Variants in TRERF1 observed in about 807,000 individuals in gnomAD.
The protein encoded by TRERF1 is transcriptional-regulating factor 1.
In TRERF1, 27 loss-of-function variants were observed where a neutral mutation model predicts 122.9. The ratio of observed to expected loss-of-function variants is 0.22; its 90% confidence interval spans 0.16 to 0.30. TRERF1 has a LOEUF of 0.30. Ranked by LOEUF, TRERF1 falls within the 10% of genes least tolerant of loss-of-function variation. The pLI is 1.00. For missense variants in TRERF1, 1,248 were observed against 1,560.3 expected, an observed-to-expected ratio of 0.80 and a Z score of 3.37; for synonymous variants, 636 against 641.7, an observed-to-expected ratio of 0.99 and a Z score of 0.13.
chr6:42,386,922 G>A (rs1776907814), intron 2 of TRERF1, among the ~76,000 whole-genome samples: 1 of 152,146 alleles, frequency 6.6e-6, no homozygotes, highest in African/African-American at 2.4e-5. Context: ...CATGTAGGAT[G>A]TTTAGCAGTA....
intron 10 of TRERF1, 26 bp downstream of exon 10, chr6:42,258,109 C>T: frequency 6.2e-7 from 1 of 1,605,490 alleles, no homozygotes; most frequent in Non-Finnish European, 8.5e-7. Flanking sequence ...GGCTTCTGTT[C>T]TAAAGAGTAA....
At chr6:42,413,720 G>A (rs941507189) in intron 2 of TRERF1, among the ~76,000 whole-genome samples, 5 of 152,100 alleles carry the variant, frequency 3.3e-5, no homozygotes, top group East Asian at 1.9e-4. Flanking sequence ...GGGCCACCGC[G>A]GCAGCCCAGA....
chr6:42,229,119 G>A (rs1399946084), intron 17 of TRERF1, among the ~76,000 whole-genome samples: 1 of 152,026 alleles, frequency 6.6e-6, no homozygotes, highest in African/African-American at 2.4e-5. Flanking sequence ...GTTGAAAGTT[G>A]TTGGTTTTGT....
intron 4 of TRERF1, among the ~76,000 whole-genome samples, chr6:42,297,593 G>C (rs1017124703): frequency 6.6e-6 from 1 of 152,196 alleles, no homozygotes; most frequent in African/African-American, 2.4e-5. Context: ...TGAGCAGAAT[G>C]GGGGGAAAAT....
chr6:42,283,611 C>CTTTTTTTTT (rs869206003), intron 4 of TRERF1, among the ~76,000 whole-genome samples: 3 of 107,998 alleles, frequency 2.8e-5, no homozygotes, highest in African/African-American at 3.6e-5. Flanking sequence ...ATGAAAAAAA[C>CTTTTTTTTT]TTTTTTTTTT....
chr6:42,395,597 A>G (rs1457083492), intron 2 of TRERF1, among the ~76,000 whole-genome samples: 2 of 152,124 alleles, frequency 1.3e-5, no homozygotes, highest in African/African-American at 4.8e-5. Context: ...AAGAGACCGA[A>G]GAGAGAAGCT....
At chr6:42,340,792 G>C (rs1268132528) in intron 3 of TRERF1, among the ~76,000 whole-genome samples, 2 of 152,146 alleles carry the variant, frequency 1.3e-5, no homozygotes, top group African/African-American at 2.4e-5. Flanking sequence ...TTCTCAGATC[G>C]CAGTAAATTA....
chr6:42,279,619 G>A (rs1781929511), intron 4 of TRERF1, among the ~76,000 whole-genome samples: 1 of 152,272 alleles, frequency 6.6e-6, no homozygotes, highest in Middle Eastern at 3.4e-3. Flanking sequence ...GGGGCCAAGC[G>A]GCCAGAACAG....
chr6:42,355,835 A>C (rs1457445695), intron 3 of TRERF1, among the ~76,000 whole-genome samples: 1 of 152,220 alleles, frequency 6.6e-6, no homozygotes, highest in Non-Finnish European at 1.5e-5. Flanking sequence ...GCCCAAGATG[A>C]TAAAGTGTTC....
At chr6:42,334,004 C>CACAT (rs1051165979) in intron 3 of TRERF1, among the ~76,000 whole-genome samples, 7 of 125,092 alleles carry the variant, frequency 5.6e-5, no homozygotes, top group African/African-American at 2.7e-4. Flanking sequence ...ACACTACACA[C>CACAT]ACACACACAC....
chr6:42,333,011 T>C (rs536002971), intron 3 of TRERF1, among the ~76,000 whole-genome samples: 1 of 152,202 alleles, frequency 6.6e-6, no homozygotes, highest in Admixed American at 6.5e-5. Context: ...AAAGAACCAA[T>C]CTTTACCCGT....
Position 42,259,660 on chromosome 6 carries a change from C to T in TRERF1, c.1948G>A (p.Glu650Lys). Residue 650 changes from glutamate to lysine, a missense_variant, in exon 9 of 18, where the codon GAG becomes AAG. By Grantham distance (56) the Glu-to-Lys change is moderately conservative (BLOSUM62 1). Transcript: ENST00000372922. The surrounding 1 kb of genome is among the most constrained non-coding windows in gnomAD (Gnocchi z 4.9). ...GGCCGGTGCCGGAACTTTTTCTTCT[C>T]CTGCACGGTCTTGAGGGGCTCCTCG... The T allele has an allele frequency of 6.2e-7, 1 of 1,611,218 alleles. No homozygotes were observed. Among genetic ancestry groups the T allele is most frequent in the Admixed American group, 1.7e-5 (1 of 60,014 alleles).
intron 4 of TRERF1, among the ~76,000 whole-genome samples, chr6:42,286,037 T>C (rs1783158239): frequency 6.6e-6 from 1 of 150,798 alleles, no homozygotes; most frequent in African/African-American, 2.4e-5. Context: ...AAACAAGCAA[T>C]TAAAAGGATT....
chr6:42,385,059 C>A (rs1776571442), intron 2 of TRERF1, among the ~76,000 whole-genome samples: 1 of 152,100 alleles, frequency 6.6e-6, no homozygotes. Context: ...CTCACTGCAA[C>A]CTCTGCCTCC....
intron 2 of TRERF1, among the ~76,000 whole-genome samples, chr6:42,403,797 T>A (rs562967977): frequency 6.6e-6 from 1 of 152,272 alleles, no homozygotes; most frequent in African/African-American, 2.4e-5. Context: ...GGAGCTTATA[T>A]CCTTCAAATC....
At chr6:42,265,728 C>G (rs1258180720) in intron 6 of TRERF1, 23 bp downstream of exon 6, 1 of 1,611,116 alleles carries the variant, frequency 6.2e-7, no homozygotes, top group Non-Finnish European at 8.5e-7. Context: ...CCCAAAATAC[C>G]AACAAGGTTC....
intron 2 of TRERF1, among the ~76,000 whole-genome samples, chr6:42,367,883 C>CTCCA (rs1297133960): frequency 5.9e-5 from 9 of 152,120 alleles, no homozygotes; most frequent in Non-Finnish European, 4.4e-5. Context: ...CCGATCTGAT[C>CTCCA]TCCATCTGGC....
intron 2 of TRERF1, among the ~76,000 whole-genome samples, chr6:42,363,460 A>ATC (rs1772157673): frequency 6.6e-6 from 1 of 152,106 alleles, no homozygotes; most frequent in Non-Finnish European, 1.5e-5. Flanking sequence ...AGCAAGCAGC[A>ATC]TCTCTCATTA....
intron 16 of TRERF1, among the ~76,000 whole-genome samples, chr6:42,233,387 A>C (rs548521973): frequency 2.8e-4 from 42 of 147,578 alleles, no homozygotes; most frequent in African/African-American, 8.6e-4. Flanking sequence ...CCAGGTTCAC[A>C]CCATTCTCCT....
Sources: gnomAD v4.1 joint callset for allele counts (sites outside exome capture counted in the v4.1 genomes callset) on GRCh38, gnomAD v4.1.1 for gene constraint, Gnocchi (gnomAD v3.1) non-coding constraint, MANE v1.5 for transcripts, NCBI Gene and HGNC (gene_info 2026-07-23, HGNC 2026-07-21) for gene names.